Variants in NOL4 observed in about 807,000 individuals in gnomAD.
The protein encoded by NOL4 is nucleolar protein 4, also known as cancer/testis antigen 125.
A neutral mutation model predicts 75.9 loss-of-function variants in NOL4; 17 were observed. The observed-to-expected ratio is 0.22, with a 90% confidence interval of 0.15 to 0.34. NOL4 has a LOEUF of 0.34. NOL4 is among the 10% of genes least tolerant of loss of function. The probability of loss-of-function intolerance (pLI) is 1.00; values close to 1 mark genes in which losing one functional copy is unlikely to be tolerated. For missense variants in NOL4, 614 were observed against 793.5 expected (o/e 0.77, Z 2.72); for synonymous variants, 292 against 289.9 (o/e 1.01, Z -0.07).
At chr18:33,967,628 C>T (rs2070711008) in intron 6 of NOL4, among the ~76,000 whole-genome samples, 1 of 152,150 alleles carries the variant, frequency 6.6e-6, no homozygotes, top group Non-Finnish European at 1.5e-5. Flanking sequence ...CAACAAAAAA[C>T]AACCCCACTA....
At chr18:34,019,224 T>A (rs1345486758) in intron 6 of NOL4, 94 bp downstream of exon 6, 1 of 1,025,624 alleles carries the variant, frequency 9.8e-7, no homozygotes, top group Non-Finnish European at 1.4e-6. Context: ...ATAATATTTT[T>A]ATTAACAATA....
At chr18:34,074,225 A>G (rs9964114) in intron 5 of NOL4, among the ~76,000 whole-genome samples, 17 of 151,900 alleles carry the variant, frequency 1.1e-4, no homozygotes, top group African/African-American at 4.1e-4. Context: ...ATTTTTTAAT[A>G]TTACATATTA....
chr18:33,897,818 C>T (rs979053298), intron 9 of NOL4, among the ~76,000 whole-genome samples: 1 of 151,372 alleles, frequency 6.6e-6, no homozygotes, highest in African/African-American at 2.4e-5. Flanking sequence ...TTTTTCTTTT[C>T]TTTCATTAAA....
chr18:34,164,604 A>G lies in NOL4; in HGVS notation c.265-34584T>C, dbSNP rs1357865159. ...AGTCAGGAAACAACAGGTGCTGGAG[A>G]GGATGTGGAGAAATAGGAACACTTT... On this transcript the variant is annotated intron_variant, in intron 1 of 10. Transcript: ENST00000261592. Among the ~76,000 whole-genome samples, 6 of 152,216 alleles carry G rather than the reference A, an allele frequency of 3.9e-5. No homozygotes were observed. The East Asian group carries it at 1.2e-3, about 29-fold the overall frequency.
intron 2 of NOL4, among the ~76,000 whole-genome samples, chr18:34,108,702 G>A (rs1308667359): frequency 6.6e-6 from 1 of 152,154 alleles, no homozygotes; most frequent in East Asian, 1.9e-4. Flanking sequence ...TAAAGCCAAT[G>A]TTAATAGAAC....
intron 1 of NOL4, among the ~76,000 whole-genome samples, chr18:34,141,454 C>G (rs1265804301): frequency 6.6e-6 from 1 of 152,144 alleles, no homozygotes; most frequent in African/African-American, 2.4e-5. Flanking sequence ...CTACAGTAAC[C>G]AAAACAGCAT....
intron 5 of NOL4, among the ~76,000 whole-genome samples, chr18:34,033,479 T>C (rs1359345526): frequency 6.6e-6 from 1 of 151,964 alleles, no homozygotes; most frequent in Admixed American, 6.6e-5. Context: ...AAGACAGGTC[T>C]TTCAAAATAA....
intron 6 of NOL4, among the ~76,000 whole-genome samples, chr18:33,979,100 T>C (rs1276523238): frequency 6.6e-6 from 1 of 152,078 alleles, no homozygotes; most frequent in Non-Finnish European, 1.5e-5. Flanking sequence ...ATGTGAGAAA[T>C]GGTTGATTGT....
intron 1 of NOL4, among the ~76,000 whole-genome samples, chr18:34,191,108 A>T (rs1360074216): frequency 6.6e-6 from 1 of 152,164 alleles, no homozygotes; most frequent in Non-Finnish European, 1.5e-5. Context: ...TAAAAATACG[A>T]CTACATGATT....
At chr18:34,106,040 G>C (rs1353715978) in intron 2 of NOL4, among the ~76,000 whole-genome samples, 1 of 152,022 alleles carries the variant, frequency 6.6e-6, no homozygotes, top group Non-Finnish European at 1.5e-5. Flanking sequence ...CCGGGCTTCA[G>C]TTTTCCACCA....
intron 1 of NOL4, among the ~76,000 whole-genome samples, chr18:34,179,181 A>G (rs550312142): frequency 1.8e-4 from 28 of 151,658 alleles, no homozygotes; most frequent in Non-Finnish European, 4.0e-4. Context: ...TATAGGATGC[A>G]GCAAAATAAC....
At chr18:33,879,697 G>T (rs941506073) in intron 10 of NOL4, among the ~76,000 whole-genome samples, 1 of 151,636 alleles carries the variant, frequency 6.6e-6, no homozygotes, top group East Asian at 2.0e-4. Flanking sequence ...AAAAAAGATA[G>T]TTCCTATTAC....
chr18:34,138,894 T>G (rs957423264), intron 1 of NOL4, among the ~76,000 whole-genome samples: 1 of 152,218 alleles, frequency 6.6e-6, no homozygotes, highest in African/African-American at 2.4e-5. Context: ...GAAGGGCTGT[T>G]GAATTTTATC....
intron 6 of NOL4, among the ~76,000 whole-genome samples, chr18:33,972,636 T>C (rs1249489839): frequency 1.3e-5 from 2 of 152,188 alleles, no homozygotes; most frequent in Admixed American, 6.5e-5. Context: ...ACATTGGAGA[T>C]ATTGCAGGTT....
intron 2 of NOL4, among the ~76,000 whole-genome samples, chr18:34,115,303 T>C (rs1396577104): frequency 6.6e-6 from 1 of 152,032 alleles, no homozygotes; most frequent in Non-Finnish European, 1.5e-5. Flanking sequence ...AAGAACTACC[T>C]TGGGCCAGTC....
At chr18:33,947,484 T>C (rs2068920002) in intron 8 of NOL4, among the ~76,000 whole-genome samples, 1 of 151,826 alleles carries the variant, frequency 6.6e-6, no homozygotes, top group South Asian at 2.1e-4. Flanking sequence ...CCAAATGCAA[T>C]AAATTCAATA....
Position 33,958,312 on chromosome 18 carries a change from T to A in NOL4, c.1163A>T (p.His388Leu). Reference protein sequence around the residue: ...LNRGDEDEDDHEDHDDSEKVN... With the variant: ...LNRGDEDEDDLEDHDDSEKVN... ...TTTCTCCGAATCGTCATGGTCCTCG[T>A]GGTCATCTTCGTCCTCATCTCCCCT... Residue 388 changes from histidine to leucine, a missense_variant, in exon 7 of 11, where the codon CAC (histidine) becomes CTC (leucine). Around this residue, in one of 9 missense-constraint regions of NOL4, gnomAD observed 196 missense variants for 167.9 expected, o/e 1.17. Coordinates refer to ENST00000261592, the MANE Select transcript of NOL4 (RefSeq NM_003787.5). 6.2e-7 allele frequency: 1 copy of A among 1,613,860 alleles called. No individual in the cohort carries two copies. Among genetic ancestry groups the A allele is most frequent in the Non-Finnish European group, 8.5e-7 (1 of 1,179,802 alleles).
chr18:33,941,596 T>C (rs981592177), intron 9 of NOL4, among the ~76,000 whole-genome samples: 2 of 151,934 alleles, frequency 1.3e-5, no homozygotes, highest in Admixed American at 6.6e-5. Flanking sequence ...ATGCTTACTA[T>C]GCACCAGGCA....
chr18:33,898,154 C>T (rs2065530580), intron 9 of NOL4, among the ~76,000 whole-genome samples: 2 of 152,296 alleles, frequency 1.3e-5, no homozygotes, highest in South Asian at 4.1e-4. Context: ...CTCAAGCAAT[C>T]CTTCTGCCTT....
Sources: gnomAD v4.1 joint callset for allele counts (sites outside exome capture counted in the v4.1 genomes callset) on GRCh38, gnomAD v4.1.1 for gene constraint, gnomAD v4.1.1 regional missense constraint, MANE v1.5 for transcripts, NCBI Gene and HGNC (gene_info 2026-07-23, HGNC 2026-07-21) for gene names.